The following COL4A5 variants were observed in gnomAD, a reference collection of about 807,000 sequenced individuals.
COL4A5 encodes collagen alpha-5(IV) chain.
A neutral mutation model predicts 130.2 loss-of-function variants in COL4A5; 26 were observed. The ratio of observed to expected loss-of-function variants is 0.20; its 90% CI spans 0.15 to 0.28. The LOEUF is 0.28. Ranked by LOEUF, COL4A5 falls within the 10% of genes least tolerant of loss-of-function variation. The probability of loss-of-function intolerance (pLI) is 1.00; values close to 1 mark genes in which losing one functional copy is unlikely to be tolerated. For missense variants in COL4A5, 1,131 were observed against 1,344.3 expected, an observed-to-expected ratio of 0.84 and a Z score of 2.48; for synonymous variants, 496 against 439.6, an observed-to-expected ratio of 1.13 and a Z score of -1.60.
At chrX:108,644,233 T>C (rs2067527015) in intron 36 of COL4A5, among the ~76,000 whole-genome samples, 1 of 111,860 alleles carries the variant, frequency 8.9e-6, no homozygotes, top group African/African-American at 3.3e-5. Context: ...CCCAAATTTA[T>C]AAAACAATTA....
intron 1 of COL4A5, among the ~76,000 whole-genome samples, chrX:108,445,760 A>T (rs1463591798): frequency 8.9e-6 from 1 of 111,947 alleles, no homozygotes; most frequent in Admixed American, 9.5e-5. Context: ...CAACCAATTC[A>T]TATGTTGATT....
rs2066623877 is a variant in COL4A5 at position 108,601,308 on chromosome X, A to G, written c.1949-85A>G. The stretch of plus-strand genomic sequence containing the variant: ...TTTACATTTTCAAAAGATTGCTGAT[A>G]ATTTTCTTTTTTGTTTTTAATTAAA... On this transcript the variant is annotated intron_variant, in intron 25 of 52. Transcript: ENST00000328300. 4 of 606,254 alleles carry G rather than the reference A, an allele frequency of 6.6e-6. No homozygotes were observed. In the Admixed American group the frequency reaches 1.2e-4, roughly 18 times the overall value. The allele number at this position is 606,254 out of a possible 1,213,427, so 50.0% of individuals were successfully genotyped here. A position where few individuals can be genotyped will look rare whatever the true frequency, so the allele number is the denominator to read the frequency against.
intron 36 of COL4A5, among the ~76,000 whole-genome samples, chrX:108,646,697 G>A (rs1346380204): frequency 9.0e-6 from 1 of 111,519 alleles, no homozygotes; most frequent in African/African-American, 3.3e-5. Context: ...TTTCTTCTAG[G>A]GTTTTTATGG....
At chrX:108,462,596 G>A (rs2064664086) in intron 1 of COL4A5, 1 of 111,761 alleles carries the variant, frequency 8.9e-6, no homozygotes, top group African/African-American at 3.3e-5. Flanking sequence ...CAGAGACAGG[G>A]TCTCACTATG....
intron 2 of COL4A5, among the ~76,000 whole-genome samples, chrX:108,548,066 C>A (rs182967448): frequency 8.8e-4 from 98 of 111,263 alleles, no homozygotes; most frequent in African/African-American, 3.0e-3. Context: ...CCGGGTGAGG[C>A]GATGCCTCAC....
At chrX:108,531,534 C>T (rs1317775552) in intron 1 of COL4A5, among the ~76,000 whole-genome samples, 1 of 109,365 alleles carries the variant, frequency 9.1e-6, no homozygotes, top group Non-Finnish European at 1.9e-5. Context: ...TCTAGCAATG[C>T]ACCTCAAGGA....
intron 1 of COL4A5, among the ~76,000 whole-genome samples, chrX:108,513,906 A>T (rs1467183204): frequency 9.0e-6 from 1 of 111,587 alleles, no homozygotes; most frequent in Non-Finnish European, 1.9e-5. Context: ...GTTTTAATCG[A>T]TGATCTTTCT....
At chrX:108,644,275 A>G (rs770140360) in intron 36 of COL4A5, among the ~76,000 whole-genome samples, 1 of 112,065 alleles carries the variant, frequency 8.9e-6, no homozygotes, top group East Asian at 2.8e-4. Context: ...ATAGACAGCA[A>G]CACAATAATA....
At chrX:108,573,121 GT>G (rs200004252) in intron 8 of COL4A5, among the ~76,000 whole-genome samples, 16 of 101,788 alleles carry the variant, frequency 1.6e-4, no homozygotes, top group South Asian at 1.3e-3. Context: ...TTCTCCACTA[GT>G]TTTTTTTTTT....
At chrX:108,536,002 A>G (rs1367472832) in intron 1 of COL4A5, among the ~76,000 whole-genome samples, 4 of 111,138 alleles carry the variant, frequency 3.6e-5, no homozygotes, top group African/African-American at 1.3e-4. Flanking sequence ...AAAATTTCAG[A>G]TTCTGCTATT....
At chrX:108,547,509 G>A (rs980057793) in intron 2 of COL4A5, among the ~76,000 whole-genome samples, 2 of 111,910 alleles carry the variant, frequency 1.8e-5, no homozygotes, top group Non-Finnish European at 3.8e-5. Context: ...TGAGGTGTCA[G>A]TCTGCCCCTA....
In COL4A5 at chrX:108,680,698, G is replaced by T. The variant is rs1488338708; in HGVS notation, c.3962G>T (p.Gly1321Val). 1 of 1,210,524 alleles carries T rather than the reference G, an allele frequency of 8.3e-7. No homozygotes were observed. Among genetic ancestry groups the T allele is most frequent in the Non-Finnish European group, 1.1e-6 (1 of 894,680 alleles). The stretch of plus-strand genomic sequence containing the variant: ...ATTCAGGGTAATCCTGGCCGGCCGG[G>T]TCTCAATGGAATGAAAGGAGATCCT... The part of the protein sequence containing the change: ...PGLQGNPGRP[G>V]LNGMKGDPGL... The change falls in exon 45 of 53, where the codon GGT becomes GTT. Residue 1321 changes from glycine to valine, a missense_variant. By Grantham distance (109) the Gly-to-Val change is moderately radical. Coordinates refer to ENST00000328300, the MANE Select transcript of COL4A5 (RefSeq NM_033380.3).
intron 28 of COL4A5, among the ~76,000 whole-genome samples, chrX:108,606,487 C>T (rs770436079): frequency 8.6e-4 from 94 of 109,851 alleles, no homozygotes; most frequent in African/African-American, 3.0e-3. Flanking sequence ...TCTTTAATCT[C>T]ATGCTCTCTC....
intron 1 of COL4A5, among the ~76,000 whole-genome samples, chrX:108,446,922 TA>T (rs1448636178): frequency 9.0e-6 from 1 of 111,707 alleles, no homozygotes; most frequent in Non-Finnish European, 1.9e-5. Context: ...CTTAAGGGCT[TA>T]AATTTTAATT....
At chrX:108,587,870 G>A (rs1410360116) in intron 19 of COL4A5, among the ~76,000 whole-genome samples, 1 of 110,620 alleles carries the variant, frequency 9.0e-6, no homozygotes, top group Non-Finnish European at 1.9e-5. Flanking sequence ...AATTTAGTAG[G>A]CAAATCATCA....
In COL4A5 at chrX:108,568,847, G is replaced by A. The variant is rs772110384; in HGVS notation, c.384+26G>A. 6.1e-6 allele frequency: 7 copies of A among 1,147,560 alleles called. No individual in the cohort carries two copies. The Admixed American group carries it at 1.5e-4, about 25-fold the overall frequency. The allele number at this position is 1,147,560 out of a possible 1,213,427, so 94.6% of individuals were successfully genotyped here. A position where few individuals can be genotyped will look rare whatever the true frequency, so the allele number is the denominator to read the frequency against. On this transcript the variant is annotated intron_variant, in intron 6 of 52. Transcript: ENST00000328300. ...GTGAGATCCATCCATTTAATCTTGG[G>A]TAGTATACTTGACAATAATTAACTT...
chrX:108,574,677 A>G (rs1220370155), intron 9 of COL4A5, among the ~76,000 whole-genome samples: 1 of 112,384 alleles, frequency 8.9e-6, no homozygotes, highest in East Asian at 2.8e-4. Flanking sequence ...ATATGCTAAG[A>G]TTCATCCATA....
At chrX:108,515,127 C>T (rs188847724) in intron 1 of COL4A5, among the ~76,000 whole-genome samples, 2 of 111,354 alleles carry the variant, frequency 1.8e-5, no homozygotes, top group East Asian at 5.6e-4. Flanking sequence ...TTTATTTCTC[C>T]ATTTGTTCCA....
At chrX:108,524,459 CTTG>C (rs964254495) in intron 1 of COL4A5, among the ~76,000 whole-genome samples, 1 of 110,284 alleles carries the variant, frequency 9.1e-6, no homozygotes, top group Non-Finnish European at 1.9e-5. Flanking sequence ...AGCTTTTGAT[CTTG>C]TTGATTTTCC....
Sources: gnomAD v4.1 joint callset for allele counts (sites outside exome capture counted in the v4.1 genomes callset) on GRCh38, gnomAD v4.1.1 for gene constraint, MANE v1.5 for transcripts, NCBI Gene and HGNC (gene_info 2026-07-23, HGNC 2026-07-21) for gene names.